The following JAKMIP1 variants were observed in gnomAD, a reference collection of about 807,000 sequenced individuals.
JAKMIP1 encodes janus kinase and microtubule-interacting protein 1.
A neutral mutation model predicts 113.0 loss-of-function variants in JAKMIP1; 33 were observed. The observed-to-expected ratio is 0.29, with a 90% CI of 0.22 to 0.39. The LOEUF (loss-of-function observed/expected upper bound fraction) is 0.39, where lower values mean the gene tolerates loss of function less well. Among genes scored for constraint, JAKMIP1 ranks in the 10% least tolerant of loss-of-function variants. JAKMIP1 has a pLI of 1.00. For synonymous variants in JAKMIP1, 480 were observed against 459.9 expected, an observed-to-expected ratio of 1.04 and a Z score of -0.56; for missense variants, 813 against 1,080.5, an observed-to-expected ratio of 0.75 and a Z score of 3.47.
intron 1 of JAKMIP1, among the ~76,000 whole-genome samples, chr4:6,115,686 G>T (rs953010751): frequency 2.0e-5 from 3 of 152,200 alleles, no homozygotes; most frequent in East Asian, 1.9e-4. Flanking sequence ...CTGCTTTTAA[G>T]AGGAAACAGT....
Position 6,141,190 on chromosome 4 carries a change from C to T in JAKMIP1, c.-147-28193G>A, listed in dbSNP as rs1720098202. ...GTGGCTCATGCCTGTAATCCCAACA[C>T]TTTGGGATGCTGAGGCAGGCAGATC... is the stretch of plus-strand genomic sequence containing the variant. On this transcript the variant is annotated intron_variant, in intron 1 of 20. Transcript: ENST00000409021. The surrounding 1 kb of genome is among the most constrained non-coding windows in gnomAD (Gnocchi z 9.4). Among the ~76,000 whole-genome samples the T allele has an allele frequency of 6.6e-6, 1 of 152,208 alleles. No homozygotes were observed. The highest frequency in any genetic ancestry group is 2.1e-4 in the South Asian group (1 of 4,824).
Position 6,086,965 on chromosome 4 carries a change from G to C in JAKMIP1, c.625-1336C>G, listed in dbSNP as rs1418062561. Among the ~76,000 whole-genome samples, 1 of 152,112 alleles carries C rather than the reference G, an allele frequency of 6.6e-6. No individual in the cohort carries two copies. Among genetic ancestry groups the C allele is most frequent in the African/African-American group, 2.4e-5 (1 of 41,424 alleles). On this transcript the variant is annotated intron_variant, in intron 3 of 20. Transcript: ENST00000409021. The surrounding 1 kb of genome is among the most constrained non-coding windows in gnomAD (Gnocchi z 4.1). ...TCCACAGCCTTAGGGGGAAGTGTGG[G>C]CATGCAGACACCTTGATTTCAATCT... is the stretch of plus-strand genomic sequence containing the variant.
chr4:6,035,877 G>A, intron 19 of JAKMIP1, 27 bp downstream of exon 19: 4 of 1,533,100 alleles, frequency 2.6e-6, no homozygotes, highest in Non-Finnish European at 3.5e-6. Flanking sequence ...CCGGGGTGCT[G>A]TGGGCACAGC....
At chr4:6,062,490 A>G in intron 9 of JAKMIP1, 50 bp from the exon 10 acceptor site, 2 of 1,561,966 alleles carry the variant, frequency 1.3e-6, no homozygotes, top group Non-Finnish European at 1.8e-6. Context: ...AATTACAATA[A>G]TAAATGATTT....
chr4:6,099,882 C>T (rs1712711001), intron 3 of JAKMIP1, among the ~76,000 whole-genome samples: 1 of 152,184 alleles, frequency 6.6e-6, no homozygotes, highest in South Asian at 2.1e-4. Context: ...CGTTTTAGGG[C>T]ACTTTAGTGT....
intron 1 of JAKMIP1, among the ~76,000 whole-genome samples, chr4:6,169,603 T>TGTGTGTGTGTGTGTGTG (rs201784962): frequency 3.9e-4 from 53 of 137,372 alleles, no homozygotes; most frequent in Admixed American, 1.6e-3. Context: ...CCCTAGGAAA[T>TGTGTGTGTGTGTGTGTG]TGTGTGTGTG....
rs1273732034 is a variant in JAKMIP1, at chr4:6,064,018, C to T, written c.1431+862G>A. On this transcript the variant is annotated intron_variant, in intron 9 of 20. Coordinates refer to ENST00000409021, the MANE Select transcript of JAKMIP1 (RefSeq NM_001099433.2). The surrounding 1 kb of genome is among the most constrained non-coding windows in gnomAD (Gnocchi z 4.3). ...CCAGCTGCCCCGGCATATCCGCACC[C>T]CCTTCCCACTCTTGCTCTTCCCTGG... Among the ~76,000 whole-genome samples, 1 of 152,242 alleles carries T rather than the reference C, an allele frequency of 6.6e-6. No homozygotes were observed. The highest frequency in any genetic ancestry group is 1.5e-5 in the Non-Finnish European group (1 of 68,036).
At chr4:6,109,194 ACG>A (rs1714482016) in intron 2 of JAKMIP1, among the ~76,000 whole-genome samples, 1 of 132,588 alleles carries the variant, frequency 7.5e-6, no homozygotes, top group Non-Finnish European at 1.5e-5. Flanking sequence ...GTGCAGTGGC[ACG>A]ATCTTGGCTC....
At chr4:6,034,549 C>T (rs1197300727) in intron 19 of JAKMIP1, among the ~76,000 whole-genome samples, 1 of 152,202 alleles carries the variant, frequency 6.6e-6, no homozygotes, top group Non-Finnish European at 1.5e-5. Context: ...CTCTTATAAT[C>T]ACAGCACTTT....
chr4:6,126,461 TGCACATACACACACCATGTAGAAA>T (rs1717655633), intron 1 of JAKMIP1, among the ~76,000 whole-genome samples: 2 of 75,888 alleles, frequency 2.6e-5, no homozygotes, highest in African/African-American at 1.3e-4. Context: ...GAAACACACA[TGCACATACACACACCATGTAGAAA>T]CACACAAACA....
rs1721293734 is a variant in JAKMIP1, at chr4:6,149,473, T to C, written c.-147-36476A>G. Among the ~76,000 whole-genome samples the C allele has an allele frequency of 2.0e-5, 3 of 152,134 alleles. No individual in the cohort carries two copies. The South Asian group carries it at 6.2e-4, about 32-fold the overall frequency. ...GTGGAGTCCCAGTGAAATCTAGGGA[T>C]GTGGTCCGAGACCAGCGAGTAAGAA... On this transcript the variant is annotated intron_variant, in intron 1 of 20. Transcript: ENST00000409021.
intron 3 of JAKMIP1, among the ~76,000 whole-genome samples, chr4:6,099,381 T>C (rs1712628639): frequency 1.3e-5 from 2 of 152,372 alleles, no homozygotes; most frequent in Middle Eastern, 3.4e-3. Context: ...TGTGCCTCCT[T>C]GTGCTGCCTT....
At chr4:6,127,663 G>T (rs1415567938) in intron 1 of JAKMIP1, among the ~76,000 whole-genome samples, 1 of 152,160 alleles carries the variant, frequency 6.6e-6, no homozygotes, top group African/African-American at 2.4e-5. Context: ...ACCTGGGAAG[G>T]CCCCACAGGC....
rs564220074 is a variant in JAKMIP1 at position 6,136,077 on chromosome 4, C to T, written c.-147-23080G>A. 5.3e-4 allele frequency among the ~76,000 whole-genome samples: 80 copies of T among 152,208 alleles called. No homozygotes were observed. Among genetic ancestry groups the T allele is most frequent in the Admixed American group, 1.1e-3 (17 of 15,290 alleles). On this transcript the variant is annotated intron_variant, in intron 1 of 20. Transcript: ENST00000409021. The surrounding 1 kb of genome is among the most constrained non-coding windows in gnomAD (Gnocchi z 5.9). ...CCTGGCGAACAGGGTGAAACCCCAT[C>T]TCTACTAAAGATACAAAAATTGGCC...
At chr4:6,120,753 C>T (rs893490699) in intron 1 of JAKMIP1, among the ~76,000 whole-genome samples, 3 of 152,218 alleles carry the variant, frequency 2.0e-5, no homozygotes, top group Non-Finnish European at 2.9e-5. Flanking sequence ...GAAGCTCACA[C>T]CCCAGGCCAG....
intron 2 of JAKMIP1, among the ~76,000 whole-genome samples, chr4:6,107,890 G>A (rs569094482): frequency 6.6e-6 from 1 of 152,310 alleles, no homozygotes; most frequent in East Asian, 1.9e-4. Flanking sequence ...CCCGTTGAGA[G>A]GAGGAAGATG....
chr4:6,101,732 CAAAAAAAAAA>C (rs56084278), intron 3 of JAKMIP1, among the ~76,000 whole-genome samples: 12 of 96,570 alleles, frequency 1.2e-4, no homozygotes, highest in East Asian at 3.0e-4. Context: ...ACTAAAAATA[CAAAAAAAAAA>C]AAAAAAAAAA....
At chr4:6,170,466 CCAT>C (rs377544688) in intron 1 of JAKMIP1, among the ~76,000 whole-genome samples, 31 of 9,754 alleles carry the variant, frequency 3.2e-3, no homozygotes, top group East Asian at 0.038. Flanking sequence ...ACCACCACCA[CCAT>C]TACCACCCTC....
At chr4:6,063,914 C>A in intron 9 of JAKMIP1, among the ~76,000 whole-genome samples, 1 of 152,198 alleles carries the variant, frequency 6.6e-6, no homozygotes, top group East Asian at 1.9e-4. Flanking sequence ...GCAAGGGGAG[C>A]TTGTGGAGAC....
Sources: allele counts gnomAD v4.1 joint callset (sites outside exome capture counted in the v4.1 genomes callset), GRCh38; gene constraint gnomAD v4.1.1; non-coding constraint Gnocchi (gnomAD v3.1); transcripts MANE v1.5; gene names NCBI Gene and HGNC (gene_info 2026-07-23, HGNC 2026-07-21).